Variants in NCAM2 observed in about 807,000 individuals in gnomAD.
NCAM2 encodes the protein neural cell adhesion molecule 2.
In NCAM2, 30 loss-of-function variants were observed where a neutral mutation model predicts 98.1. The ratio of observed to expected loss-of-function variants is 0.31; its 90% CI spans 0.23 to 0.41. The LOEUF is 0.41. NCAM2 is among the 10% of genes least tolerant of loss of function. The probability of loss-of-function intolerance (pLI) is 1.00; values close to 1 mark genes in which losing one functional copy is unlikely to be tolerated. For missense variants in NCAM2, 867 were observed against 1,005.8 expected (o/e 0.86, Z 1.87); for synonymous variants, 368 against 342.4 (o/e 1.07, Z -0.83).
At chr21:21,069,050 G>A (rs1228907773) in intron 1 of NCAM2, among the ~76,000 whole-genome samples, 1 of 152,082 alleles carries the variant, frequency 6.6e-6, no homozygotes, top group Non-Finnish European at 1.5e-5. Context: ...ATAAGATAAT[G>A]TACTCTAGCT....
chr21:21,254,120 C>T (rs2071574806), intron 1 of NCAM2, among the ~76,000 whole-genome samples: 1 of 152,154 alleles, frequency 6.6e-6, no homozygotes, highest in African/African-American at 2.4e-5. Context: ...AGTAAATATT[C>T]ATTTTATTTA....
chr21:21,085,454 A>G (rs1028983), intron 1 of NCAM2, among the ~76,000 whole-genome samples: 14,248 of 151,930 alleles, frequency 0.094, 898 homozygotes, highest in African/African-American at 0.17. Flanking sequence ...CTTATATTTC[A>G]GTTCCAGCCA....
chr21:21,481,794 A>G (rs1029054486), intron 15 of NCAM2, among the ~76,000 whole-genome samples: 1 of 152,180 alleles, frequency 6.6e-6, no homozygotes, highest in African/African-American at 2.4e-5. Flanking sequence ...TGAAATATTT[A>G]TTTTATTTGT....
At chr21:21,226,118 GAC>G (rs2070371764) in intron 1 of NCAM2, among the ~76,000 whole-genome samples, 1 of 151,960 alleles carries the variant, frequency 6.6e-6, no homozygotes, top group South Asian at 2.1e-4. Flanking sequence ...AGCACACACA[GAC>G]ACAAAGATGG....
chr21:21,045,417 G>A (rs1478575286), intron 1 of NCAM2, among the ~76,000 whole-genome samples: 2 of 152,192 alleles, frequency 1.3e-5, no homozygotes, highest in Non-Finnish European at 2.9e-5. Context: ...GCCAAGGTGG[G>A]AGGATTGCTT....
intron 12 of NCAM2, among the ~76,000 whole-genome samples, chr21:21,461,014 G>GA (rs544399942): frequency 2.8e-4 from 42 of 151,830 alleles, no homozygotes; most frequent in Admixed American, 2.1e-3. Flanking sequence ...TTTTGTGAGT[G>GA]AAAAAATTTA....
intron 8 of NCAM2, among the ~76,000 whole-genome samples, chr21:21,355,295 C>G (rs954760696): frequency 6.6e-6 from 1 of 151,136 alleles, no homozygotes; most frequent in Non-Finnish European, 1.5e-5. Context: ...ATTAGCCGAG[C>G]CTGGTGGTGT....
intron 1 of NCAM2, among the ~76,000 whole-genome samples, chr21:21,068,567 C>T (rs927800960): frequency 6.7e-6 from 1 of 149,890 alleles, no homozygotes; most frequent in Non-Finnish European, 1.5e-5. Context: ...TCACGCGATT[C>T]TTCTGCCTCA....
chr21:21,537,860 A>G lies in NCAM2; in HGVS notation c.2417A>G (p.Lys806Arg). The G allele has an allele frequency of 6.5e-7, 1 of 1,543,962 alleles. No homozygotes were observed. Among genetic ancestry groups the G allele is most frequent in the Non-Finnish European group, 8.8e-7 (1 of 1,135,692 alleles). ...TTATCTTCCAGAAAATTGCCTTTAA[A>G]GGAAGAAGATGGGAAAGAAGCTCTA... ...PLTEPEKLPL[K>R]EEDGKEALNP... The change falls in exon 18 of 18, where the codon AAG (lysine) becomes AGG (arginine). Residue 806 changes from lysine to arginine, a missense_variant. Coordinates refer to ENST00000400546, the MANE Select transcript of NCAM2 (RefSeq NM_004540.5).
intron 1 of NCAM2, among the ~76,000 whole-genome samples, chr21:21,234,235 C>T (rs1002098342): frequency 1.3e-5 from 2 of 151,580 alleles, no homozygotes; most frequent in African/African-American, 2.4e-5. Context: ...TGGAAGTACT[C>T]TAGTTAATGC....
intron 1 of NCAM2, among the ~76,000 whole-genome samples, chr21:21,023,299 A>C (rs900612605): frequency 6.6e-6 from 1 of 152,058 alleles, no homozygotes; most frequent in Non-Finnish European, 1.5e-5. Context: ...CGAGGTGGAC[A>C]GATCACTTGA....
intron 12 of NCAM2, among the ~76,000 whole-genome samples, chr21:21,436,467 T>C (rs761111937): frequency 1.6e-4 from 24 of 152,270 alleles, no homozygotes; most frequent in Non-Finnish European, 3.1e-4. Context: ...GTATTTCAGA[T>C]GTTATATTGT....
intron 15 of NCAM2, among the ~76,000 whole-genome samples, chr21:21,484,700 G>T (rs887891142): frequency 5.3e-5 from 8 of 152,132 alleles, no homozygotes; most frequent in Non-Finnish European, 1.2e-4. Flanking sequence ...ACCCATGAAT[G>T]ATTAAGCTTT....
chr21:21,150,224 G>T (rs2067408007), intron 1 of NCAM2, among the ~76,000 whole-genome samples: 1 of 152,106 alleles, frequency 6.6e-6, no homozygotes, highest in African/African-American at 2.4e-5. Flanking sequence ...GCAGTACCTT[G>T]CAAATATATT....
At chr21:21,106,519 A>T (rs1601386064) in intron 1 of NCAM2, among the ~76,000 whole-genome samples, 1 of 152,068 alleles carries the variant, frequency 6.6e-6, no homozygotes, top group Non-Finnish European at 1.5e-5. Flanking sequence ...TTCTATTATA[A>T]GAAATATTAC....
chr21:21,159,270 A>T (rs1286114467), intron 1 of NCAM2, among the ~76,000 whole-genome samples: 1 of 152,194 alleles, frequency 6.6e-6, no homozygotes, highest in East Asian at 1.9e-4. Context: ...TATAGTAATA[A>T]ATTACAGTAA....
At chr21:21,231,724 A>G (rs2070635480) in intron 1 of NCAM2, among the ~76,000 whole-genome samples, 2 of 151,398 alleles carry the variant, frequency 1.3e-5, no homozygotes, top group South Asian at 4.1e-4. Flanking sequence ...ATTTATGGAT[A>G]TTATGTAGGT....
chr21:21,050,898 T>C (rs1313227449), intron 1 of NCAM2, among the ~76,000 whole-genome samples: 1 of 152,196 alleles, frequency 6.6e-6, no homozygotes, highest in African/African-American at 2.4e-5. Flanking sequence ...TCAAAATGAA[T>C]TTGGCTGTGG....
At chr21:21,114,664 C>G (rs1601405693) in intron 1 of NCAM2, among the ~76,000 whole-genome samples, 2 of 152,268 alleles carry the variant, frequency 1.3e-5, no homozygotes, top group East Asian at 3.9e-4. Flanking sequence ...TTGTAATAAA[C>G]CACTGATCAG....
Sources: gnomAD v4.1 joint callset for allele counts (sites outside exome capture counted in the v4.1 genomes callset) on GRCh38, gnomAD v4.1.1 for gene constraint, MANE v1.5 for transcripts, NCBI Gene and HGNC (gene_info 2026-07-23, HGNC 2026-07-21) for gene names.